Variants in NXF1 observed in about 807,000 individuals in gnomAD.
NXF1 encodes the protein mRNA export factor TAP.
Under a neutral mutation model 92.4 loss-of-function variants are expected in NXF1, and 43 were observed. That is an observed-to-expected ratio of 0.47 (90% CI 0.36 to 0.60). NXF1 has a LOEUF of 0.60. NXF1 is among the 20% of genes least tolerant of loss of function. NXF1 has a pLI of 0.00. For missense variants in NXF1, 576 were observed against 793.0 expected (o/e 0.73, Z 3.29); for synonymous variants, 288 against 292.2 (o/e 0.99, Z 0.15).
At chr11:62,796,677 A>G in intron 13 of NXF1, 110 bp from the exon 14 acceptor site, 2 of 717,936 alleles carry the variant, frequency 2.8e-6, no homozygotes, top group South Asian at 3.2e-5. Flanking sequence ...CATGCCTGTA[A>G]TCCCAGCACT....
chr11:62,795,477 A>T (rs531566515), intron 17 of NXF1: 50 of 221,706 alleles, frequency 2.3e-4, no homozygotes, highest in Non-Finnish European at 3.6e-4. Context: ...TCCATCTCAA[A>T]AAAAAGTAAT....
rs2084465812 is a variant in NXF1, at chr11:62,800,366, C to A, written c.1016+11G>T. The A allele has an allele frequency of 1.2e-6, 2 of 1,613,914 alleles. No homozygotes were observed. The highest frequency in any genetic ancestry group is 1.1e-5 in the South Asian group (1 of 91,082). On this transcript the variant is annotated intron_variant, in intron 10 of 20. Coordinates refer to ENST00000294172, the MANE Select transcript of NXF1 (RefSeq NM_006362.5). ...AGGTCCCCAGGAGGGGAGACACAGG[C>A]TACAACTGACCTGATGTAGGTGGAC...
intron 10 of NXF1, 192 bp downstream of exon 10, chr11:62,800,185 A>G (rs570724715): frequency 8.6e-5 from 122 of 1,413,692 alleles, no homozygotes; most frequent in Middle Eastern, 8.0e-4. Context: ...GTCAGAAGAG[A>G]AGAGAGAACA....
At chr11:62,805,226 G>C in intron 1 of NXF1, 103 bp downstream of exon 1, 1 of 1,153,342 alleles carries the variant, frequency 8.7e-7, no homozygotes, top group Non-Finnish European at 1.1e-6. Context: ...CCCCGCGGAC[G>C]CCGGGCCCCT....
In NXF1 at chr11:62,798,574, C is replaced by A; in HGVS notation, c.1018G>T (p.Ala340Ser). The stretch of plus-strand genomic sequence containing the variant: ...AACTTGGGAAATCGTTCGCGAATGG[C>A]GCTGTCAAGAACGGGACAGAAGTGA... ...TFRDQSTYIS[A>S]IRERFPKLLR... The change falls in exon 11 of 21, where the codon GCC becomes TCC. Residue 340 changes from alanine to serine, a missense_variant and splice_region_variant. Transcript: ENST00000294172. 6.2e-7 allele frequency: 1 copy of A among 1,614,010 alleles called. No homozygotes were observed. Among genetic ancestry groups the A allele is most frequent in the Non-Finnish European group, 8.5e-7 (1 of 1,179,954 alleles).
At chr11:62,794,798 C>G in intron 18 of NXF1, 137 bp downstream of exon 18, 2 of 779,388 alleles carry the variant, frequency 2.6e-6, no homozygotes, top group South Asian at 1.8e-5. Context: ...TTAACTGGCT[C>G]TTAACTACTA....
At chr11:62,804,151 G>A in intron 1 of NXF1, 173 bp from the exon 2 acceptor site, 1 of 1,538,824 alleles carries the variant, frequency 6.5e-7, no homozygotes. Context: ...CTGTGGGAGG[G>A]CAGCATCAGG....
intron 3 of NXF1, 116 bp from the exon 4 acceptor site, chr11:62,802,376 C>T (rs1271469765): frequency 1.3e-6 from 1 of 769,896 alleles, no homozygotes; most frequent in Non-Finnish European, 2.2e-6. Context: ...AAGAAAGGAC[C>T]AGTACTAGGT....
chr11:62,803,719 A>G (rs1355556068), intron 2 of NXF1, 73 bp downstream of exon 2: 1 of 1,559,838 alleles, frequency 6.4e-7, no homozygotes, highest in East Asian at 2.2e-5. Flanking sequence ...GGGAAAGGAA[A>G]TGACATGGAC....
intron 18 of NXF1, 41 bp downstream of exon 18, chr11:62,794,894 G>A (rs1208416895): frequency 6.4e-7 from 1 of 1,573,198 alleles, no homozygotes. Flanking sequence ...TGTTGGCCAT[G>A]GATTAGGACT....
intron 13 of NXF1, 27 bp downstream of exon 13, chr11:62,797,156 G>T (rs1232038003): frequency 6.2e-7 from 1 of 1,608,476 alleles, no homozygotes; most frequent in Admixed American, 1.7e-5. Context: ...ACCTCGGGGT[G>T]GGGAGGGGGG....
intron 19 of NXF1, 48 bp from the exon 20 acceptor site, chr11:62,792,749 G>A: frequency 1.3e-6 from 2 of 1,597,110 alleles, no homozygotes; most frequent in Non-Finnish European, 1.7e-6. Context: ...ACTCGTAAAT[G>A]CCAGCTGAAA....
At chr11:62,799,795 C>G (rs2084458971) in intron 10 of NXF1, 1 of 985,878 alleles carries the variant, frequency 1.0e-6, no homozygotes, top group African/African-American at 1.7e-5. Context: ...GAGCCCAGCT[C>G]ATAGCACTGG....
chr11:62,796,203 CAG>C, intron 15 of NXF1, 22 bp from the exon 16 acceptor site: 1 of 1,613,698 alleles, frequency 6.2e-7, no homozygotes, highest in Non-Finnish European at 8.5e-7. Flanking sequence ...GGAGAAAGCT[CAG>C]TGGTGCTGCC....
intron 1 of NXF1, 139 bp from the exon 2 acceptor site, chr11:62,804,117 C>T: frequency 1.3e-6 from 2 of 1,562,268 alleles, no homozygotes; most frequent in Non-Finnish European, 1.7e-6. Flanking sequence ...AACTCCGCTC[C>T]CTATCCACAG....
At chr11:62,804,157 T>G (rs1454523730) in intron 1 of NXF1, 179 bp from the exon 2 acceptor site, 1 of 1,537,148 alleles carries the variant, frequency 6.5e-7, no homozygotes, top group Non-Finnish European at 8.7e-7. Context: ...GAGGGCAGCA[T>G]CAGGGAAAAG....
intron 9 of NXF1, 119 bp from the exon 10 acceptor site, chr11:62,800,605 CT>C (rs569196618): frequency 0.18 from 86,015 of 474,108 alleles, 49 homozygotes; most frequent in South Asian, 0.22. Context: ...AAAATTTTTT[CT>C]TTTTTTTTTT....
At chr11:62,792,922 T>C (rs539461093) in intron 19 of NXF1, among the ~76,000 whole-genome samples, 2 of 152,332 alleles carry the variant, frequency 1.3e-5, no homozygotes, top group South Asian at 4.1e-4. Context: ...TCAAGATAGT[T>C]TTTACAGTGG....
intron 1 of NXF1, 53 bp from the exon 2 acceptor site, chr11:62,804,031 G>C: frequency 1.2e-6 from 2 of 1,601,884 alleles, no homozygotes; most frequent in East Asian, 4.5e-5. Flanking sequence ...GTCCGGTTTG[G>C]TGTGGCAATC....
Sources: gnomAD v4.1 joint callset for allele counts (sites outside exome capture counted in the v4.1 genomes callset) on GRCh38, gnomAD v4.1.1 for gene constraint, MANE v1.5 for transcripts, NCBI Gene and HGNC (gene_info 2026-07-23, HGNC 2026-07-21) for gene names.